Variants in MYOM2 observed in about 807,000 individuals in gnomAD.
MYOM2 encodes myomesin-2.
Under a neutral mutation model 187.6 loss-of-function variants are expected in MYOM2, and 254 were observed. The observed-to-expected ratio is 1.35, with a 90% CI of 1.22 to 1.50. The LOEUF is 1.50. Among genes scored for constraint, MYOM2 ranks in the 40% most tolerant of loss-of-function variants. The pLI is 0.00. For missense variants in MYOM2, 2,796 were observed against 1,924.0 expected, an observed-to-expected ratio of 1.45 and a Z score of -8.48; for synonymous variants, 981 against 753.8, an observed-to-expected ratio of 1.30 and a Z score of -4.94.
intron 6 of MYOM2, among the ~76,000 whole-genome samples, chr8:2,065,144 A>G (rs929290051): frequency 2.6e-5 from 4 of 152,232 alleles, no homozygotes; most frequent in Admixed American, 6.5e-5. Context: ...TGGGTGCTCA[A>G]TACATGTATT....
Position 2,123,542 on chromosome 8 carries a change from GTTTTC to G in MYOM2, c.3568-9_3568-5del. ...TTGACTTTACATAAATATGGAATGT[GTTTTC>G]TTTGTAGTTGTCAAAGAAGGACCAC... On this transcript the variant is annotated splice_region_variant and splice_polypyrimidine_tract_variant and intron_variant, in intron 29 of 36. Transcript: ENST00000262113. 1 of 1,609,494 alleles carries G rather than the reference GTTTTC, an allele frequency of 6.2e-7. No homozygotes were observed. Among genetic ancestry groups the G allele is most frequent in the Non-Finnish European group, 8.5e-7 (1 of 1,175,898 alleles).
chr8:2,123,394 C>T, intron 29 of MYOM2, 29 bp downstream of exon 29: 1 of 1,527,106 alleles, frequency 6.5e-7, no homozygotes, highest in Non-Finnish European at 9.0e-7. Flanking sequence ...CACAAGAAAG[C>T]AAAACAAAAA....
intron 3 of MYOM2, among the ~76,000 whole-genome samples, chr8:2,055,534 G>A (rs1271054464): frequency 5.9e-5 from 9 of 151,986 alleles, no homozygotes; most frequent in Admixed American, 5.2e-4. Context: ...AGGGAGGTGC[G>A]AGGTGAGGTC....
intron 5 of MYOM2, among the ~76,000 whole-genome samples, chr8:2,058,342 A>G (rs976922133): frequency 1.8e-4 from 27 of 152,000 alleles, no homozygotes; most frequent in Non-Finnish European, 4.4e-5. Flanking sequence ...AAAAGTCACT[A>G]CCCTGAAATG....
chr8:2,049,748 A>G (rs371917095), intron 1 of MYOM2, among the ~76,000 whole-genome samples: 1 of 152,218 alleles, frequency 6.6e-6, no homozygotes, highest in Non-Finnish European at 1.5e-5. Context: ...TACGGTCCCT[A>G]CGTAACTTTG....
intron 15 of MYOM2, 64 bp downstream of exon 15, chr8:2,090,255 C>A: frequency 1.4e-6 from 2 of 1,468,874 alleles, no homozygotes; most frequent in Admixed American, 2.0e-5. Flanking sequence ...CACCAAATAG[C>A]CTTAAATTGT....
intron 13 of MYOM2, among the ~76,000 whole-genome samples, chr8:2,080,979 G>A (rs1819603864): frequency 1.4e-5 from 2 of 138,016 alleles, no homozygotes; most frequent in Admixed American, 1.5e-4. Context: ...GCCTGCGGGA[G>A]GAACAGGCAG....
At chr8:2,120,053 A>G (rs1304467282) in intron 28 of MYOM2, among the ~76,000 whole-genome samples, 1 of 152,196 alleles carries the variant, frequency 6.6e-6, no homozygotes, top group Non-Finnish European at 1.5e-5. Context: ...GAGGCAAGAC[A>G]GCAGCTCCTT....
In MYOM2 at chr8:2,093,952, G is replaced by C; in HGVS notation, c.2004-18G>C. On this transcript the variant is annotated intron_variant, in intron 16 of 36. Coordinates refer to ENST00000262113, the MANE Select transcript of MYOM2 (RefSeq NM_003970.4). ...AGTGGAGCCTGGCAGTTCTGACCCT[G>C]ATCCCTGTGTTTCTCAGGTTCGTGG... 1 of 1,613,512 alleles carries C rather than the reference G, an allele frequency of 6.2e-7. No homozygotes were observed. The highest frequency in any genetic ancestry group is 8.5e-7 in the Non-Finnish European group (1 of 1,179,822).
intron 32 of MYOM2, among the ~76,000 whole-genome samples, chr8:2,132,581 TTCTC>T (rs200543777): frequency 2.1e-5 from 3 of 144,992 alleles, no homozygotes; most frequent in Middle Eastern, 6.8e-3. Context: ...CAGTCTCTCT[TTCTC>T]TCTCTCTCTC....
chr8:2,096,883 G>A (rs114969201), intron 18 of MYOM2, among the ~76,000 whole-genome samples: 1 of 152,150 alleles, frequency 6.6e-6, no homozygotes, highest in Non-Finnish European at 1.5e-5. Flanking sequence ...AGGCCTCCCA[G>A]AGAGTCCCTT....
chr8:2,090,272 A>G (rs1796253175), intron 15 of MYOM2, 81 bp downstream of exon 15: 1 of 1,365,480 alleles, frequency 7.3e-7, no homozygotes, highest in Non-Finnish European at 1.0e-6. Flanking sequence ...TTGTGTGAAT[A>G]AAGACATTAA....
At position 2,054,487 on chromosome 8, in the gene MYOM2, G is replaced by A. The variant is rs116643130; in HGVS notation, c.263+2174G>A. Among the ~76,000 whole-genome samples, 759 of 152,256 alleles carry A rather than the reference G, an allele frequency of 5.0e-3. 4 individuals carry two copies. The highest frequency in any genetic ancestry group is 0.017 in the African/African-American group (713 of 41,522). On this transcript the variant is annotated intron_variant, in intron 3 of 36. Coordinates refer to ENST00000262113, the MANE Select transcript of MYOM2 (RefSeq NM_003970.4). ...TGACAAATGACGTTACTGTGCACAC[G>A]TGGGCTGAAGTGACGGTCAACTGAT...
intron 25 of MYOM2, among the ~76,000 whole-genome samples, chr8:2,112,935 C>T (rs1272583636): frequency 3.9e-5 from 6 of 152,146 alleles, no homozygotes; most frequent in African/African-American, 2.4e-5. Flanking sequence ...CCTCATTTGC[C>T]GAGCACCACA....
At chr8:2,096,193 G>C in intron 17 of MYOM2, 54 bp from the exon 18 acceptor site, 2 of 1,565,670 alleles carry the variant, frequency 1.3e-6, no homozygotes, top group Non-Finnish European at 8.7e-7. Flanking sequence ...CTGCCCCGGG[G>C]ACAAAGCCCC....
intron 32 of MYOM2, among the ~76,000 whole-genome samples, chr8:2,135,765 A>G (rs530822217): frequency 6.6e-6 from 1 of 152,348 alleles, no homozygotes; most frequent in East Asian, 1.9e-4. Context: ...TAATAATTTT[A>G]ATATCCCTAT....
At chr8:2,049,601 T>TG (rs1036687255) in intron 1 of MYOM2, among the ~76,000 whole-genome samples, 8 of 152,302 alleles carry the variant, frequency 5.3e-5, no homozygotes, top group Non-Finnish European at 7.4e-5. Flanking sequence ...GGCTGTGCCA[T>TG]GGGGCCTGGC....
intron 15 of MYOM2, 148 bp downstream of exon 15, chr8:2,090,339 A>C: frequency 1.5e-6 from 1 of 663,668 alleles, no homozygotes; most frequent in Non-Finnish European, 2.3e-6. Flanking sequence ...CGAGAGATTA[A>C]GAGCTCTCTG....
chr8:2,069,521 C>T, intron 8 of MYOM2, 24 bp downstream of exon 8: 2 of 1,613,826 alleles, frequency 1.2e-6, no homozygotes, highest in African/African-American at 1.3e-5. Flanking sequence ...TGTTTCTTTT[C>T]TGTGTGGTGA....
Sources: gnomAD v4.1 joint callset for allele counts (sites outside exome capture counted in the v4.1 genomes callset) on GRCh38, gnomAD v4.1.1 for gene constraint, MANE v1.5 for transcripts, NCBI Gene and HGNC (gene_info 2026-07-23, HGNC 2026-07-21) for gene names.